The following LRBA variants were observed in gnomAD, a reference collection of about 807,000 sequenced individuals.
LRBA encodes the protein LPS responsive beige-like anchor protein.
A neutral mutation model predicts 330.0 loss-of-function variants in LRBA; 176 were observed. The ratio of observed to expected loss-of-function variants is 0.53; its 90% CI spans 0.47 to 0.60. The LOEUF is 0.60. Ranked by LOEUF, LRBA falls within the 20% of genes least tolerant of loss-of-function variation. LRBA has a pLI of 0.00. For missense variants in LRBA, 3,259 were observed against 3,444.8 expected (o/e 0.95, Z 1.35); for synonymous variants, 1,230 against 1,193.0 (o/e 1.03, Z -0.64).
intron 37 of LRBA, among the ~76,000 whole-genome samples, chr4:150,633,506 T>C (rs1777581463): frequency 6.6e-6 from 1 of 152,218 alleles, no homozygotes; most frequent in African/African-American, 2.4e-5. Flanking sequence ...ACCAAATTAA[T>C]GACCTTCCCC....
intron 2 of LRBA, among the ~76,000 whole-genome samples, chr4:150,935,024 A>AC (rs1160498749): frequency 5.3e-5 from 8 of 150,524 alleles, no homozygotes; most frequent in Admixed American, 5.3e-4. Context: ...AAAAAAAAAA[A>AC]AATTAGCCAG....
intron 55 of LRBA, among the ~76,000 whole-genome samples, chr4:150,278,858 T>C (rs1747152055): frequency 6.6e-6 from 1 of 152,004 alleles, no homozygotes; most frequent in South Asian, 2.1e-4. Flanking sequence ...AGGGTCTTGC[T>C]CTGTCACCCA....
intron 30 of LRBA, among the ~76,000 whole-genome samples, chr4:150,821,622 T>C (rs999390838): frequency 1.3e-5 from 2 of 152,050 alleles, no homozygotes; most frequent in Admixed American, 1.3e-4. Flanking sequence ...GTTTCAAATA[T>C]CACAAACCCT....
chr4:150,671,517 T>C (rs1782065320), intron 37 of LRBA, among the ~76,000 whole-genome samples: 1 of 152,190 alleles, frequency 6.6e-6, no homozygotes, highest in Admixed American at 6.5e-5. Context: ...CTGATGATAA[T>C]GATTTAACAT....
intron 48 of LRBA, among the ~76,000 whole-genome samples, chr4:150,343,484 A>G (rs1316152923): frequency 6.6e-6 from 1 of 152,178 alleles, no homozygotes; most frequent in Non-Finnish European, 1.5e-5. Context: ...AACAAAACGA[A>G]TATTTGTTGA....
chr4:150,796,272 CT>C (rs1395672763), intron 34 of LRBA, among the ~76,000 whole-genome samples: 3 of 151,880 alleles, frequency 2.0e-5, no homozygotes, highest in African/African-American at 4.8e-5. Context: ...AAATAAATCA[CT>C]TTTGTGATTG....
intron 26 of LRBA, among the ~76,000 whole-genome samples, chr4:150,847,607 C>T (rs1352869869): frequency 6.6e-6 from 1 of 152,172 alleles, no homozygotes; most frequent in Non-Finnish European, 1.5e-5. Context: ...ACCATGGCTC[C>T]TAATGGTTTG....
chr4:150,396,480 T>TCACA (rs10641158), intron 47 of LRBA, among the ~76,000 whole-genome samples: 8,483 of 145,692 alleles, frequency 0.058, 280 homozygotes, highest in Middle Eastern at 0.073. Context: ...AAATCTCATC[T>TCACA]CACACACACA....
intron 37 of LRBA, among the ~76,000 whole-genome samples, chr4:150,638,152 C>G (rs1035632728): frequency 6.6e-6 from 1 of 151,974 alleles, no homozygotes. Context: ...CTGCCTCAGC[C>G]TCCCGAAAAG....
At chr4:150,864,669 C>CA (rs1752448702) in intron 22 of LRBA, among the ~76,000 whole-genome samples, 1 of 116,542 alleles carries the variant, frequency 8.6e-6, no homozygotes, top group Non-Finnish European at 1.6e-5. Flanking sequence ...TTTTTTGAGA[C>CA]AGAGTCTCAC....
chr4:150,904,098 T>C (rs1284491397), intron 13 of LRBA, among the ~76,000 whole-genome samples: 2 of 152,208 alleles, frequency 1.3e-5, no homozygotes, highest in African/African-American at 4.8e-5. Context: ...AGCTCCCTTT[T>C]CCAAAAGCAA....
intron 53 of LRBA, among the ~76,000 whole-genome samples, chr4:150,293,325 C>T (rs998974396): frequency 2.6e-5 from 4 of 152,142 alleles, no homozygotes; most frequent in Non-Finnish European, 5.9e-5. Flanking sequence ...GTTTCTTAAA[C>T]CTTTTCCATT....
At chr4:150,319,604 C>T (rs1167721423) in intron 50 of LRBA, among the ~76,000 whole-genome samples, 1 of 152,070 alleles carries the variant, frequency 6.6e-6, no homozygotes, top group Non-Finnish European at 1.5e-5. Context: ...AATAAAAGGA[C>T]ATAATAATAG....
intron 40 of LRBA, among the ~76,000 whole-genome samples, chr4:150,509,181 T>C (rs1229035574): frequency 6.6e-6 from 1 of 152,080 alleles, no homozygotes; most frequent in Non-Finnish European, 1.5e-5. Flanking sequence ...ATACATATTA[T>C]TAAAACATCA....
At chr4:150,842,113 A>G (rs1749177484) in intron 28 of LRBA, among the ~76,000 whole-genome samples, 2 of 152,210 alleles carry the variant, frequency 1.3e-5, no homozygotes, top group African/African-American at 4.8e-5. Flanking sequence ...ACTTTCAGTA[A>G]TCATATAGTA....
chr4:150,383,815 G>A (rs111500228), intron 47 of LRBA, among the ~76,000 whole-genome samples: 23 of 152,096 alleles, frequency 1.5e-4, no homozygotes, highest in African/African-American at 4.3e-4. Flanking sequence ...AAAGCCTTAC[G>A]TTAGAACAAG....
intron 40 of LRBA, among the ~76,000 whole-genome samples, chr4:150,524,325 C>T (rs1763234607): frequency 6.6e-6 from 1 of 152,154 alleles, no homozygotes; most frequent in Admixed American, 6.5e-5. Flanking sequence ...ATTTCTCACA[C>T]AAAAATTAAT....
chr4:150,701,784 T>C (rs565981342), intron 36 of LRBA, among the ~76,000 whole-genome samples: 1 of 152,284 alleles, frequency 6.6e-6, no homozygotes, highest in South Asian at 2.1e-4. Flanking sequence ...TATCAAGCTA[T>C]GATGACACAA....
At position 150,278,842 on chromosome 4, in the gene LRBA, C is replaced by T. The variant is rs188349164; in HGVS notation, c.8317-838G>A. 3.5e-4 allele frequency among the ~76,000 whole-genome samples: 53 copies of T among 151,480 alleles called. No individual in the cohort carries two copies. In the Middle Eastern group the frequency reaches 0.014, roughly 39 times the overall value. On this transcript the variant is annotated intron_variant, in intron 55 of 56. Coordinates refer to ENST00000651943, the MANE Select transcript of LRBA (RefSeq NM_001364905.1). ...AAACAGGTTTTTTTTTTTCCCCCCT[C>T]GAGACAGGGTCTTGCTCTGTCACCC... is the stretch of plus-strand genomic sequence containing the variant.
Sources: allele counts gnomAD v4.1 joint callset (sites outside exome capture counted in the v4.1 genomes callset), GRCh38; gene constraint gnomAD v4.1.1; transcripts MANE v1.5; gene names NCBI Gene and HGNC (gene_info 2026-07-23, HGNC 2026-07-21).